Variants in FAM169A observed in about 807,000 individuals in gnomAD.
The protein encoded by FAM169A is family with sequence similarity 169 member A.
Under a neutral mutation model 75.7 loss-of-function variants are expected in FAM169A, and 24 were observed. The observed-to-expected ratio is 0.32, with a 90% confidence interval of 0.23 to 0.45. The LOEUF is 0.45. Ranked by LOEUF, FAM169A falls within the 20% of genes least tolerant of loss-of-function variation. The probability of loss-of-function intolerance (pLI) is 1.00; values close to 1 mark genes in which losing one functional copy is unlikely to be tolerated. For synonymous variants in FAM169A, 271 were observed against 271.0 expected, an observed-to-expected ratio of 1.00 and a Z score of 0.00; for missense variants, 673 against 784.0, an observed-to-expected ratio of 0.86 and a Z score of 1.69.
chr5:74,778,597 T>TA lies in FAM169A; in HGVS notation c.*2862dup, dbSNP rs11327417. 2.0e-5 allele frequency: 3 copies of TA among 151,932 alleles called. No individual in the cohort carries two copies. Among genetic ancestry groups the TA allele is most frequent in the African/African-American group, 4.8e-5 (2 of 41,482 alleles). The allele number at this position is 151,932 out of a possible 1,614,324, so 9.4% of individuals were successfully genotyped here. A position where few individuals can be genotyped will look rare whatever the true frequency, so the allele number is the denominator to read the frequency against. On this transcript the variant is annotated 3_prime_UTR_variant, in exon 13 of 13. Coordinates refer to ENST00000687041, the MANE Select transcript of FAM169A (RefSeq NM_001376049.1). ...TTCTAAATCATGCTGTTTGATTTTATAAAAAAATCATAATAGACCCTCTCA... is the reference window on the plus strand; with the variant it reads ...TTCTAAATCATGCTGTTTGATTTTATAAAAAAAATCATAATAGACCCTCTCA...
chr5:74,812,346 C>T (rs1182115386), intron 6 of FAM169A, among the ~76,000 whole-genome samples: 4 of 151,904 alleles, frequency 2.6e-5, no homozygotes, highest in African/African-American at 7.3e-5. Context: ...AGGCTGGTCT[C>T]GAATTCCTGA....
At chr5:74,802,230 C>G (rs1746618163) in intron 8 of FAM169A, among the ~76,000 whole-genome samples, 1 of 152,090 alleles carries the variant, frequency 6.6e-6, no homozygotes, top group Non-Finnish European at 1.5e-5. Context: ...GTCCTTTGTA[C>G]TACCATTGCT....
intron 1 of FAM169A, among the ~76,000 whole-genome samples, chr5:74,861,564 A>T (rs1750037184): frequency 6.6e-6 from 1 of 152,112 alleles, no homozygotes; most frequent in Admixed American, 6.6e-5. Context: ...AAAATACAAA[A>T]ATCAGCCAGG....
chr5:74,865,301 G>A (rs1390823032), intron 1 of FAM169A: 4 of 152,050 alleles, frequency 2.6e-5, no homozygotes, highest in Non-Finnish European at 4.4e-5. Context: ...TGTCCCTCCG[G>A]TCCCAATCCC....
At chr5:74,797,366 AG>A (rs1283686385) in intron 10 of FAM169A, among the ~76,000 whole-genome samples, 2 of 152,106 alleles carry the variant, frequency 1.3e-5, no homozygotes, top group African/African-American at 2.4e-5. Context: ...TAGTAGTGAC[AG>A]GGTTTTGCCA....
intron 10 of FAM169A, among the ~76,000 whole-genome samples, chr5:74,797,117 G>T (rs1224525895): frequency 6.6e-6 from 1 of 152,106 alleles, no homozygotes; most frequent in African/African-American, 2.4e-5. Context: ...AACGTCTGGT[G>T]GTTCTCTATA....
chr5:74,834,665 TTGCTCCC>T, intron 4 of FAM169A, 68 bp from the exon 5 acceptor site: 1 of 1,280,306 alleles, frequency 7.8e-7, no homozygotes, highest in Non-Finnish European at 1.0e-6. Flanking sequence ...GCTATTTACT[TTGCTCCC>T]TGCTCCCATA....
rs140845987 is a variant in FAM169A at position 74,789,141 on chromosome 5, A to G, written c.1261-6007T>C. On this transcript the variant is annotated intron_variant, in intron 11 of 12. Transcript: ENST00000687041. ...ATTTGTGTCATAACCTTGTTCAAAG[A>G]GACCTTGATCGCTTTTCACTTCCAC... 2.4e-3 allele frequency among the ~76,000 whole-genome samples: 366 copies of G among 152,364 alleles called. 3 individuals are homozygous for G. The highest frequency in any genetic ancestry group is 0.016 in the Admixed American group (249 of 15,306).
intron 1 of FAM169A, among the ~76,000 whole-genome samples, chr5:74,850,100 C>A (rs188375876): frequency 6.6e-6 from 1 of 152,170 alleles, no homozygotes; most frequent in African/African-American, 2.4e-5. Flanking sequence ...GAACACTTCA[C>A]GTGTATCACC....
At chr5:74,859,995 T>C (rs1038124412) in intron 1 of FAM169A, among the ~76,000 whole-genome samples, 3 of 152,176 alleles carry the variant, frequency 2.0e-5, no homozygotes, top group African/African-American at 7.2e-5. Flanking sequence ...CTGATAATGA[T>C]ATTAGTAGCT....
chr5:74,864,820 T>C (rs1750228747), intron 1 of FAM169A, among the ~76,000 whole-genome samples: 1 of 152,208 alleles, frequency 6.6e-6, no homozygotes, highest in Non-Finnish European at 1.5e-5. Flanking sequence ...AAACGGACTT[T>C]TCCCAGGTGC....
At chr5:74,826,903 C>G (rs1459825159) in intron 5 of FAM169A, among the ~76,000 whole-genome samples, 1 of 152,182 alleles carries the variant, frequency 6.6e-6, no homozygotes, top group Non-Finnish European at 1.5e-5. Context: ...TCCCTAAACT[C>G]TGGTCTTCGA....
chr5:74,812,577 GCTT>G (rs1248087730), intron 6 of FAM169A, among the ~76,000 whole-genome samples: 1 of 151,702 alleles, frequency 6.6e-6, no homozygotes, highest in Non-Finnish European at 1.5e-5. Flanking sequence ...ACCATTCCCA[GCTT>G]CTTTATTTCT....
Position 74,858,655 on chromosome 5 carries a change from T to TA in FAM169A, c.-4+7509dup, listed in dbSNP as rs544956896. On this transcript the variant is annotated intron_variant, in intron 1 of 12. Coordinates refer to ENST00000687041, the MANE Select transcript of FAM169A (RefSeq NM_001376049.1). ...GTACTATGCACACTACCTCAGTGACTAAATCATTTGTACACCAAACCCCAG... is the reference window on the plus strand; with the variant it reads ...GTACTATGCACACTACCTCAGTGACTAAAATCATTTGTACACCAAACCCCAG... 2.9e-3 allele frequency among the ~76,000 whole-genome samples: 447 copies of TA among 152,232 alleles called. 3 individuals are homozygous for TA. The highest frequency in any genetic ancestry group is 2.7e-3 in the Non-Finnish European group (182 of 68,008).
intron 11 of FAM169A, among the ~76,000 whole-genome samples, chr5:74,785,191 C>T (rs1469307710): frequency 1.3e-5 from 2 of 151,634 alleles, no homozygotes; most frequent in Non-Finnish European, 2.9e-5. Context: ...TGGTGGCAGG[C>T]GCCTGTAATC....
At chr5:74,841,716 T>A in intron 1 of FAM169A, 37 bp from the exon 2 acceptor site, 4 of 1,552,604 alleles carry the variant, frequency 2.6e-6, no homozygotes, top group Non-Finnish European at 3.5e-6. Flanking sequence ...ATTCAGAATA[T>A]GAAACGCCAT....
chr5:74,794,842 C>A (rs887959018), intron 11 of FAM169A, among the ~76,000 whole-genome samples: 1 of 151,266 alleles, frequency 6.6e-6, no homozygotes, highest in Non-Finnish European at 1.5e-5. Context: ...GTAATCCTAG[C>A]TACTCGGGAG....
intron 5 of FAM169A, among the ~76,000 whole-genome samples, chr5:74,828,074 A>C (rs1370054497): frequency 6.6e-6 from 1 of 152,190 alleles, no homozygotes; most frequent in Admixed American, 6.5e-5. Context: ...TTATAGATAT[A>C]AGTGCTTAAG....
At chr5:74,861,899 A>C (rs1750056500) in intron 1 of FAM169A, among the ~76,000 whole-genome samples, 1 of 152,194 alleles carries the variant, frequency 6.6e-6, no homozygotes, top group South Asian at 2.1e-4. Context: ...CTTGCAAGGC[A>C]TGTCTCATAC....
Sources: gnomAD v4.1 joint callset for allele counts (sites outside exome capture counted in the v4.1 genomes callset) on GRCh38, gnomAD v4.1.1 for gene constraint, MANE v1.5 for transcripts, NCBI Gene and HGNC (gene_info 2026-07-23, HGNC 2026-07-21) for gene names.